The following INSYN2B variants were observed in gnomAD, a reference collection of about 807,000 sequenced individuals.
INSYN2B encodes protein INSYN2B.
INSYN2B carries 16 observed loss-of-function variants against 41.2 expected under a neutral mutation model. The ratio of observed to expected loss-of-function variants is 0.39; its 90% CI spans 0.26 to 0.59. The LOEUF is 0.59. Among genes scored for constraint, INSYN2B ranks in the 20% least tolerant of loss-of-function variants. The pLI, the probability that INSYN2B is intolerant of heterozygous loss-of-function variation, is 0.57. For synonymous variants in INSYN2B, 245 were observed against 244.4 expected (o/e 1.00, Z -0.02); for missense variants, 608 against 646.4 (o/e 0.94, Z 0.64).
intron 2 of INSYN2B, 96 bp downstream of exon 2, chr5:169,882,457 G>T: frequency 1.9e-6 from 2 of 1,038,964 alleles, no homozygotes; most frequent in Non-Finnish European, 1.4e-6. Context: ...ACATTTTGGA[G>T]ACATTTTTAC....
At chr5:169,908,657 G>A (rs1774421823) in intron 1 of INSYN2B, among the ~76,000 whole-genome samples, 1 of 149,090 alleles carries the variant, frequency 6.7e-6, no homozygotes, top group Non-Finnish European at 1.5e-5. Flanking sequence ...AGTGAACTAT[G>A]TTTGTAGTTG....
At chr5:169,892,789 A>G (rs1273981182) in intron 1 of INSYN2B, among the ~76,000 whole-genome samples, 1 of 152,196 alleles carries the variant, frequency 6.6e-6, no homozygotes, top group African/African-American at 2.4e-5. Context: ...GAACATAACA[A>G]ACATGACCAG....
intron 1 of INSYN2B, among the ~76,000 whole-genome samples, chr5:169,932,911 T>C (rs1775824024): frequency 1.3e-5 from 2 of 150,554 alleles, no homozygotes; most frequent in African/African-American, 5.0e-5. Flanking sequence ...TCCTGCATCC[T>C]CAAACTGTAG....
intron 1 of INSYN2B, among the ~76,000 whole-genome samples, chr5:169,944,094 T>C (rs1418829921): frequency 2.6e-5 from 4 of 152,206 alleles, no homozygotes; most frequent in African/African-American, 9.6e-5. Flanking sequence ...ACCTGGATTA[T>C]GTCATTTAAC....
At chr5:169,976,905 G>A (rs1206602181) in intron 1 of INSYN2B, among the ~76,000 whole-genome samples, 3 of 152,216 alleles carry the variant, frequency 2.0e-5, no homozygotes, top group African/African-American at 7.2e-5. Context: ...TTCCTGTGAT[G>A]CTATGCCTTT....
intron 1 of INSYN2B, among the ~76,000 whole-genome samples, chr5:169,897,246 A>G (rs976704427): frequency 6.6e-6 from 1 of 152,034 alleles, no homozygotes; most frequent in African/African-American, 2.4e-5. Flanking sequence ...GTGCATTGGC[A>G]TGATCTCGGC....
chr5:169,933,780 G>T (rs1205009166), intron 1 of INSYN2B, among the ~76,000 whole-genome samples: 1 of 152,066 alleles, frequency 6.6e-6, no homozygotes, highest in Non-Finnish European at 1.5e-5. Context: ...TTCCCTTCTT[G>T]GATTTCTTTC....
chr5:169,965,330 A>G (rs774630857), intron 1 of INSYN2B, among the ~76,000 whole-genome samples: 43 of 152,228 alleles, frequency 2.8e-4, no homozygotes, highest in Non-Finnish European at 5.6e-4. Context: ...GGTGATGCTA[A>G]TGCTGCTGGT....
At chr5:169,945,081 A>C (rs1776391558) in intron 1 of INSYN2B, among the ~76,000 whole-genome samples, 1 of 152,198 alleles carries the variant, frequency 6.6e-6, no homozygotes, top group Non-Finnish European at 1.5e-5. Flanking sequence ...AGGGACCCTC[A>C]ATTCTCAGAT....
rs966749678 is a variant in INSYN2B at position 169,942,056 on chromosome 5, C to T, written c.-919+38221G>A. On this transcript the variant is annotated intron_variant, in intron 1 of 3. Transcript: ENST00000377365. ...GTCGTTAGCCTGAACGAAAACAGTT[C>T]GACATGAGAAGGATGTGGGCCTGTC... is the stretch of plus-strand genomic sequence containing the variant. 4.6e-5 allele frequency among the ~76,000 whole-genome samples: 7 copies of T among 152,300 alleles called. No individual in the cohort carries two copies. The South Asian group carries it at 6.2e-4, about 14-fold the overall frequency.
chr5:169,932,626 T>A (rs1775808614), intron 1 of INSYN2B, among the ~76,000 whole-genome samples: 3 of 152,194 alleles, frequency 2.0e-5, no homozygotes, highest in African/African-American at 7.2e-5. Context: ...TTTGTATGTT[T>A]GTTGTTTTAA....
At chr5:169,936,822 C>T (rs1192715297) in intron 1 of INSYN2B, among the ~76,000 whole-genome samples, 1 of 152,106 alleles carries the variant, frequency 6.6e-6, no homozygotes, top group Non-Finnish European at 1.5e-5. Context: ...GCTAAATTGA[C>T]AAAACTCAAT....
intron 3 of INSYN2B, among the ~76,000 whole-genome samples, chr5:169,865,643 A>G (rs930750255): frequency 2.0e-5 from 3 of 152,236 alleles, no homozygotes; most frequent in Admixed American, 6.5e-5. Flanking sequence ...ACCTGGTTTC[A>G]TACCAGGGGT....
At chr5:169,881,256 A>G (rs1772629632) in intron 3 of INSYN2B, 112 bp downstream of exon 3, 8 of 839,968 alleles carry the variant, frequency 9.5e-6, no homozygotes, top group Non-Finnish European at 1.6e-5. Context: ...TTCATAGTTA[A>G]ATACCTTGTT....
intron 1 of INSYN2B, among the ~76,000 whole-genome samples, chr5:169,955,855 T>G (rs190573504): frequency 7.9e-5 from 12 of 152,312 alleles, no homozygotes; most frequent in African/African-American, 2.9e-4. Flanking sequence ...TCATGTCTCA[T>G]GGTCAAGGTG....
At chr5:169,889,326 G>A (rs1024987865) in intron 1 of INSYN2B, among the ~76,000 whole-genome samples, 13 of 151,940 alleles carry the variant, frequency 8.6e-5, no homozygotes, top group African/African-American at 3.1e-4. Context: ...CTCTATTTAC[G>A]GCAGCTTTAA....
intron 1 of INSYN2B, among the ~76,000 whole-genome samples, chr5:169,935,408 C>G (rs1410542727): frequency 1.3e-5 from 2 of 152,170 alleles, no homozygotes; most frequent in Non-Finnish European, 2.9e-5. Context: ...CTTTCTTTCT[C>G]TTCTTGTGTG....
At chr5:169,955,493 A>G (rs1037750992) in intron 1 of INSYN2B, among the ~76,000 whole-genome samples, 6 of 152,174 alleles carry the variant, frequency 3.9e-5, no homozygotes, top group African/African-American at 1.4e-4. Context: ...TGCGGCTTCT[A>G]CCTTACATCT....
chr5:169,918,692 C>A (rs1775012240), intron 1 of INSYN2B, among the ~76,000 whole-genome samples: 1 of 152,210 alleles, frequency 6.6e-6, no homozygotes, highest in African/African-American at 2.4e-5. Flanking sequence ...GCGAGAGGAT[C>A]ACCTGAGTTC....
Sources: gnomAD v4.1 joint callset for allele counts (sites outside exome capture counted in the v4.1 genomes callset) on GRCh38, gnomAD v4.1.1 for gene constraint, MANE v1.5 for transcripts, NCBI Gene and HGNC (gene_info 2026-07-23, HGNC 2026-07-21) for gene names.